The following CEP112 variants were observed in gnomAD, a reference collection of about 807,000 sequenced individuals.
CEP112 encodes the protein centrosomal protein of 112 kDa.
Under a neutral mutation model 153.0 loss-of-function variants are expected in CEP112, and 127 were observed. The observed-to-expected ratio is 0.83, with a 90% CI of 0.72 to 0.96. The LOEUF (loss-of-function observed/expected upper bound fraction) is 0.96. Among genes scored for constraint, CEP112 ranks in the 40% least tolerant of loss-of-function variants. The pLI is 0.00. For synonymous variants in CEP112, 358 were observed against 374.4 expected (o/e 0.96, Z 0.51); for missense variants, 1,089 against 1,101.2 (o/e 0.99, Z 0.16).
intron 21 of CEP112, among the ~76,000 whole-genome samples, chr17:65,814,976 T>C (rs2056185620): frequency 6.6e-6 from 1 of 152,132 alleles, no homozygotes; most frequent in African/African-American, 2.4e-5. Context: ...CCAAGACTAG[T>C]TTGTCTTTTT....
At chr17:66,170,093 C>T (rs1394042333) in intron 4 of CEP112, among the ~76,000 whole-genome samples, 1 of 152,140 alleles carries the variant, frequency 6.6e-6, no homozygotes, top group Non-Finnish European at 1.5e-5. Flanking sequence ...AACGGAATGA[C>T]AGCAAGTCTA....
chr17:65,916,358 ACT>A (rs1220543951), intron 19 of CEP112, among the ~76,000 whole-genome samples: 2 of 150,410 alleles, frequency 1.3e-5, no homozygotes, highest in East Asian at 2.0e-4. Flanking sequence ...AAGGGTAAAG[ACT>A]CTATATTTTG....
chr17:65,731,063 G>T (rs558986401), intron 23 of CEP112, among the ~76,000 whole-genome samples: 1 of 152,200 alleles, frequency 6.6e-6, no homozygotes, highest in East Asian at 1.9e-4. Flanking sequence ...TCTCTTTAAA[G>T]AACTATTTCT....
intron 17 of CEP112, among the ~76,000 whole-genome samples, chr17:65,985,793 A>G (rs1245076708): frequency 2.0e-5 from 3 of 151,596 alleles, no homozygotes; most frequent in African/African-American, 7.3e-5. Context: ...GCCTCACTCC[A>G]TCCTCTTGAA....
intron 23 of CEP112, among the ~76,000 whole-genome samples, chr17:65,690,113 C>CAAAAAAAAAAAAAAAA (rs67399289): frequency 1.6e-5 from 1 of 62,582 alleles, no homozygotes; most frequent in Non-Finnish European, 3.0e-5. Context: ...GAAAACAGAC[C>CAAAAAAAAAAAAAAAA]AAAAAAAAAA....
At chr17:66,123,557 C>T (rs1281914572) in intron 6 of CEP112, among the ~76,000 whole-genome samples, 3 of 152,198 alleles carry the variant, frequency 2.0e-5, no homozygotes, top group African/African-American at 7.2e-5. Context: ...AGGACAATTT[C>T]CAGATTTAAT....
At chr17:66,122,488 G>C (rs1180682350) in intron 6 of CEP112, among the ~76,000 whole-genome samples, 1 of 152,098 alleles carries the variant, frequency 6.6e-6, no homozygotes, top group Non-Finnish European at 1.5e-5. Flanking sequence ...GGCTTGGCTA[G>C]ACTATTTCAT....
chr17:66,070,717 A>G (rs1488781355), intron 8 of CEP112, among the ~76,000 whole-genome samples: 3 of 152,204 alleles, frequency 2.0e-5, no homozygotes, highest in Non-Finnish European at 4.4e-5. Context: ...ACAGGTTTCA[A>G]GAAGAGCAAC....
chr17:65,744,266 T>TG (rs1369339914), intron 22 of CEP112, among the ~76,000 whole-genome samples: 1 of 151,938 alleles, frequency 6.6e-6, no homozygotes, highest in African/African-American at 2.4e-5. Flanking sequence ...TTTGTTTGTT[T>TG]GTTTTGAGAC....
chr17:65,808,130 C>T (rs2055722140), intron 21 of CEP112, among the ~76,000 whole-genome samples: 1 of 152,234 alleles, frequency 6.6e-6, no homozygotes, highest in African/African-American at 2.4e-5. Context: ...GACATGGATT[C>T]AAAGGAGATT....
chr17:65,674,880 G>A (rs2047151301), intron 24 of CEP112, among the ~76,000 whole-genome samples: 1 of 152,144 alleles, frequency 6.6e-6, no homozygotes, highest in Admixed American at 6.5e-5. Flanking sequence ...AATGAAACAA[G>A]ATCCTTGTGA....
Position 65,780,732 on chromosome 17 carries a change from T to C in CEP112, c.2395-30008A>G, listed in dbSNP as rs370622701. ...CATGAGTGGCCATTCTGTGGTATAG[T>C]ACTCTTAGGAAGCAGATAGAACACC... On this transcript the variant is annotated intron_variant, in intron 21 of 26. Transcript: ENST00000535342. Among the ~76,000 whole-genome samples the C allele has an allele frequency of 8.9e-4, 135 of 152,194 alleles. 6 individuals are homozygous for C. In the South Asian group the frequency reaches 0.027, roughly 30 times the overall value.
intron 4 of CEP112, among the ~76,000 whole-genome samples, chr17:66,142,859 A>G (rs1467797248): frequency 2.0e-5 from 3 of 152,010 alleles, no homozygotes; most frequent in African/African-American, 7.3e-5. Flanking sequence ...ATGAATTTTC[A>G]TATTTTTTTT....
intron 8 of CEP112, among the ~76,000 whole-genome samples, chr17:66,095,303 T>TAC (rs142218222): frequency 1.3e-4 from 20 of 150,522 alleles, no homozygotes; most frequent in African/African-American, 2.2e-4. Context: ...CACACACACA[T>TAC]ACACACACAC....
intron 24 of CEP112, among the ~76,000 whole-genome samples, chr17:65,651,402 G>A (rs1275201340): frequency 6.6e-6 from 1 of 152,176 alleles, no homozygotes; most frequent in Non-Finnish European, 1.5e-5. Flanking sequence ...ATAAACATGT[G>A]TGTGCAAGTA....
At position 65,680,198 on chromosome 17, in the gene CEP112, T is replaced by C. The variant is rs527881759; in HGVS notation, c.2697+8931A>G. On this transcript the variant is annotated intron_variant, in intron 24 of 26. Transcript: ENST00000535342. ...GTGAATGCTTTTTGGTGCTATAATG[T>C]CTGAGGAATAGCTGAGGGCCCAGAG... Among the ~76,000 whole-genome samples the C allele has an allele frequency of 1.1e-4, 16 of 152,264 alleles. No homozygotes were observed. The South Asian group carries it at 3.3e-3, about 32-fold the overall frequency.
chr17:66,179,005 T>C (rs1279583207), intron 2 of CEP112, among the ~76,000 whole-genome samples: 1 of 152,184 alleles, frequency 6.6e-6, no homozygotes, highest in Non-Finnish European at 1.5e-5. Flanking sequence ...TTCCTGTAAA[T>C]GTACGGATTT....
chr17:65,834,146 G>A (rs968354788), intron 21 of CEP112, among the ~76,000 whole-genome samples: 10 of 152,184 alleles, frequency 6.6e-5, no homozygotes, highest in Middle Eastern at 3.4e-3. Flanking sequence ...CTGGCTAGCC[G>A]TATGCATAAG....
At chr17:66,098,963 T>C (rs2068454173) in intron 6 of CEP112, among the ~76,000 whole-genome samples, 1 of 152,094 alleles carries the variant, frequency 6.6e-6, no homozygotes, top group African/African-American at 2.4e-5. Flanking sequence ...AATACTGACC[T>C]GTCAAAGAAA....
Sources: allele counts gnomAD v4.1 joint callset (sites outside exome capture counted in the v4.1 genomes callset), GRCh38; gene constraint gnomAD v4.1.1; transcripts MANE v1.5; gene names NCBI Gene and HGNC (gene_info 2026-07-23, HGNC 2026-07-21).